Variants in PREP observed in about 807,000 individuals in gnomAD.
PREP encodes prolyl endopeptidase.
Under a neutral mutation model 87.6 loss-of-function variants are expected in PREP, and 29 were observed. That is an observed-to-expected ratio of 0.33 (90% CI 0.25 to 0.45). The LOEUF (loss-of-function observed/expected upper bound fraction) is 0.45. Among genes scored for constraint, PREP ranks in the 20% least tolerant of loss-of-function variants. PREP has a pLI of 1.00. For missense variants in PREP, 695 were observed against 886.5 expected, an observed-to-expected ratio of 0.78 and a Z score of 2.74; for synonymous variants, 337 against 328.6, an observed-to-expected ratio of 1.03 and a Z score of -0.28.
chr6:105,391,060 C>CACACACACACACACT (rs1554212310), intron 2 of PREP, among the ~76,000 whole-genome samples: 1 of 140,168 alleles, frequency 7.1e-6, no homozygotes, highest in East Asian at 2.2e-4. Context: ...CACACACACA[C>CACACACACACACACT]TTTTTTTTTT....
intron 10 of PREP, among the ~76,000 whole-genome samples, chr6:105,307,803 G>A (rs1233569135): frequency 1.3e-5 from 2 of 152,130 alleles, no homozygotes; most frequent in Non-Finnish European, 2.9e-5. Context: ...AGTAGAGACA[G>A]AGTTTTTCCA....
chr6:105,398,965 G>A (rs754073098), intron 1 of PREP, among the ~76,000 whole-genome samples: 19 of 152,054 alleles, frequency 1.2e-4, no homozygotes, highest in Middle Eastern at 6.8e-3. Flanking sequence ...AAAATTAGCC[G>A]GGCATGGTGG....
intron 2 of PREP, among the ~76,000 whole-genome samples, chr6:105,384,457 A>G (rs1423065732): frequency 6.6e-6 from 1 of 152,174 alleles, no homozygotes; most frequent in Non-Finnish European, 1.5e-5. Flanking sequence ...TATCATCTGC[A>G]ATTGAGCATT....
chr6:105,344,655 G>GA (rs1236091751), intron 7 of PREP, among the ~76,000 whole-genome samples: 4 of 149,546 alleles, frequency 2.7e-5, no homozygotes, highest in Non-Finnish European at 4.4e-5. Context: ...ACAGGATGGG[G>GA]AACATCACAC....
intron 7 of PREP, among the ~76,000 whole-genome samples, chr6:105,349,898 T>TAAAA (rs1162063177): frequency 0.033 from 1,956 of 59,264 alleles, 73 homozygotes; most frequent in African/African-American, 0.082. Flanking sequence ...GGGAAGCAGG[T>TAAAA]AAAAAAAAAA....
At chr6:105,342,964 T>C (rs1253807365) in intron 7 of PREP, among the ~76,000 whole-genome samples, 1 of 152,176 alleles carries the variant, frequency 6.6e-6, no homozygotes, top group Non-Finnish European at 1.5e-5. Context: ...AGGTAATTTA[T>C]AGATTCAATG....
intron 6 of PREP, among the ~76,000 whole-genome samples, chr6:105,360,032 T>G (rs576569192): frequency 8.5e-5 from 13 of 152,218 alleles, no homozygotes; most frequent in African/African-American, 3.1e-4. Flanking sequence ...CCTGTAAATA[T>G]GCAGTGTGTA....
intron 2 of PREP, among the ~76,000 whole-genome samples, chr6:105,397,293 C>T (rs976247347): frequency 2.0e-5 from 3 of 151,902 alleles, no homozygotes; most frequent in Non-Finnish European, 2.9e-5. Flanking sequence ...ACTGAATGGA[C>T]TTCAGCAGGA....
chr6:105,353,939 T>G (rs1772026492), intron 6 of PREP, among the ~76,000 whole-genome samples: 1 of 152,176 alleles, frequency 6.6e-6, no homozygotes, highest in Admixed American at 6.5e-5. Context: ...TCAGAGACTT[T>G]CCTTGTTAGT....
In PREP at chr6:105,277,594, A is replaced by G. The variant is rs753820716; in HGVS notation, c.*550T>C. Reference sequence around the variant, plus strand: ...TGAACAACTTATTTTCAAAGCTAACAAACATTCTATGACTTAACTGCTTGA... The same window carrying G: ...TGAACAACTTATTTTCAAAGCTAACGAACATTCTATGACTTAACTGCTTGA... On this transcript the variant is annotated 3_prime_UTR_variant, in exon 15 of 15. Transcript: ENST00000652536. 36 of 154,004 alleles carry G rather than the reference A, an allele frequency of 2.3e-4. No homozygotes were observed. The highest frequency in any genetic ancestry group is 4.3e-4 in the Non-Finnish European group (30 of 69,232). The allele number at this position is 154,004 out of a possible 1,614,324, so 9.5% of individuals were successfully genotyped here.
chr6:105,277,923 C>T lies in PREP; in HGVS notation c.*221G>A. On this transcript the variant is annotated 3_prime_UTR_variant, in exon 15 of 15. Coordinates refer to ENST00000652536, the MANE Select transcript of PREP (RefSeq NM_002726.5). The stretch of plus-strand genomic sequence containing the variant: ...GCCCTTAAAAAAAACACCAAAAAAC[C>T]ACATGTGCCTAGACAGGGTGGAAAA... 1.6e-6 allele frequency: 1 copy of T among 626,254 alleles called. No individual in the cohort carries two copies. Among genetic ancestry groups the T allele is most frequent in the Non-Finnish European group, 2.7e-6 (1 of 375,518 alleles). 38.8% of individuals were successfully genotyped at this position (626,254 alleles called of 1,614,324 possible).
In PREP at chr6:105,276,947, A is replaced by AGAT. The variant is rs1277047473; in HGVS notation, c.*1194_*1196dup. 1.3e-5 allele frequency among the ~76,000 whole-genome samples: 2 copies of AGAT among 152,078 alleles called. No homozygotes were observed. The highest frequency in any genetic ancestry group is 2.4e-5 in the African/African-American group (1 of 41,344). ...TTTTAAGCTATTTTATATAAGGTTAAGATACTATATAAAATAATAATTTTT... is the reference window on the plus strand; with the variant it reads ...TTTTAAGCTATTTTATATAAGGTTAAGATGATACTATATAAAATAATAATTTTT... On this transcript the variant is annotated 3_prime_UTR_variant, in exon 15 of 15. Transcript: ENST00000652536.
chr6:105,337,835 C>T (rs1018764675), intron 7 of PREP, among the ~76,000 whole-genome samples: 4 of 152,106 alleles, frequency 2.6e-5, no homozygotes, highest in East Asian at 1.9e-4. Flanking sequence ...AAACAGACAC[C>T]GTTACAACTA....
chr6:105,381,069 T>G (rs1772824454), intron 2 of PREP, among the ~76,000 whole-genome samples: 1 of 152,236 alleles, frequency 6.6e-6, no homozygotes, highest in South Asian at 2.1e-4. Context: ...GGCATAAAAA[T>G]GCTACCAAAT....
At chr6:105,314,956 ATC>A (rs1770830209) in intron 10 of PREP, among the ~76,000 whole-genome samples, 1 of 152,166 alleles carries the variant, frequency 6.6e-6, no homozygotes, top group Admixed American at 6.5e-5. Context: ...CACAACATTC[ATC>A]TCTTTGTACA....
At chr6:105,374,887 T>TC (rs1349474075) in intron 4 of PREP, among the ~76,000 whole-genome samples, 5 of 151,976 alleles carry the variant, frequency 3.3e-5, no homozygotes, top group Non-Finnish European at 5.9e-5. Context: ...CAAGGCTTTG[T>TC]CCATAGCAAA....
In PREP at chr6:105,282,575, G is replaced by T; in HGVS notation, c.1557C>A (p.Ile519=). ...EYGETWHKGG[I]LANKQNCFDD... is the part of the protein sequence containing the mutation. ...CAAAGCAGTTTTGTTTGTTGGCCAA[G>T]ATACCACCTACAGTGTGCCAAAGTG... Residue 519 remains isoleucine (I), a synonymous_variant, in exon 13 of 15, where the codon ATC becomes ATA. Coordinates refer to ENST00000652536, the MANE Select transcript of PREP (RefSeq NM_002726.5). The T allele has an allele frequency of 1.2e-6, 2 of 1,613,940 alleles. No homozygotes were observed. The highest frequency in any genetic ancestry group is 1.7e-6 in the Non-Finnish European group (2 of 1,179,944).
intron 4 of PREP, among the ~76,000 whole-genome samples, chr6:105,374,763 C>T (rs536571285): frequency 8.8e-5 from 13 of 147,322 alleles, no homozygotes; most frequent in African/African-American, 3.2e-4. Context: ...TCATATACTA[C>T]AAAAATAATC....
chr6:105,353,771 CAAAAAAA>C (rs397824826), intron 6 of PREP, among the ~76,000 whole-genome samples: 1 of 71,054 alleles, frequency 1.4e-5, no homozygotes, highest in Non-Finnish European at 3.2e-5. Context: ...GACTCCATCT[CAAAAAAA>C]AAAAAAAAAA....
Sources: gnomAD v4.1 joint callset for allele counts (sites outside exome capture counted in the v4.1 genomes callset) on GRCh38, gnomAD v4.1.1 for gene constraint, MANE v1.5 for transcripts, NCBI Gene and HGNC (gene_info 2026-07-23, HGNC 2026-07-21) for gene names.